ZNF713: variants seen among roughly 807,000 people sequenced by gnomAD.
ZNF713 encodes the protein zinc finger protein 713.
ZNF713 carries 21 observed loss-of-function variants against 28.7 expected under a neutral mutation model. That is an observed-to-expected ratio of 0.73 (90% CI 0.52 to 1.05). The LOEUF (loss-of-function observed/expected upper bound fraction) is 1.05, where lower values mean the gene tolerates loss of function less well. Among genes scored for constraint, ZNF713 ranks in the 50% least tolerant of loss-of-function variants. The pLI is 0.00. For missense variants in ZNF713, 458 were observed against 532.4 expected (o/e 0.86, Z 1.37); for synonymous variants, 167 against 178.0 (o/e 0.94, Z 0.49).
At position 55,936,633 on chromosome 7, in the gene ZNF713, C is replaced by T. The variant is rs534813067; in HGVS notation, c.308-2349C>T. On this transcript the variant is annotated intron_variant, in intron 6 of 6. Transcript: ENST00000429591. Reference sequence around the variant, plus strand: ...CTGACCCACTCAGAAAGTCCAAGACCAGGAAGAGATGACTTAAATGGCCTT... The same window carrying T: ...CTGACCCACTCAGAAAGTCCAAGACTAGGAAGAGATGACTTAAATGGCCTT... Among the ~76,000 whole-genome samples, 145 of 152,164 alleles carry T rather than the reference C, an allele frequency of 9.5e-4. 1 individual carries two copies. In the Middle Eastern group the frequency reaches 0.01, roughly 11 times the overall value.
intron 1 of ZNF713, among the ~76,000 whole-genome samples, chr7:55,899,686 T>TA (rs1023861914): frequency 2.2e-4 from 34 of 151,470 alleles, no homozygotes; most frequent in African/African-American, 8.2e-4. Flanking sequence ...AAATAAAAAA[T>TA]AAAAAAATCG....
At chr7:55,890,888 C>T (rs748434051) in intron 1 of ZNF713, among the ~76,000 whole-genome samples, 75 of 151,116 alleles carry the variant, frequency 5.0e-4, no homozygotes, top group African/African-American at 1.4e-3. Flanking sequence ...CGTGGTGGCA[C>T]GTGCCTGAGG....
intron 4 of ZNF713, among the ~76,000 whole-genome samples, chr7:55,917,004 G>A (rs975649030): frequency 5.3e-5 from 8 of 151,854 alleles, no homozygotes; most frequent in Non-Finnish European, 1.2e-4. Flanking sequence ...CACAAGGTCA[G>A]GAGATTGAGA....
intron 1 of ZNF713, among the ~76,000 whole-genome samples, chr7:55,888,802 C>T (rs1394842716): frequency 2.0e-5 from 3 of 151,860 alleles, no homozygotes; most frequent in Non-Finnish European, 2.9e-5. Flanking sequence ...AATCGCAGCA[C>T]TTTGGGAGGC....
intron 4 of ZNF713, among the ~76,000 whole-genome samples, chr7:55,913,998 C>T (rs1421350263): frequency 2.0e-5 from 3 of 151,692 alleles, no homozygotes; most frequent in Non-Finnish European, 2.9e-5. Context: ...GTAGTCCCAG[C>T]TACTCGGGAG....
At chr7:55,901,380 C>T (rs1320802133) in intron 1 of ZNF713, among the ~76,000 whole-genome samples, 2 of 152,186 alleles carry the variant, frequency 1.3e-5, no homozygotes, top group Admixed American at 6.6e-5. Context: ...TTACCTCCCA[C>T]TGGGTCCCTC....
intron 2 of ZNF713, among the ~76,000 whole-genome samples, chr7:55,910,087 G>T (rs548665145): frequency 1.3e-5 from 2 of 151,096 alleles, no homozygotes; most frequent in East Asian, 2.0e-4. Flanking sequence ...TCTTGAACTC[G>T]CAGGCTCAAG....
chr7:55,925,029 C>G (rs564470384), intron 6 of ZNF713, among the ~76,000 whole-genome samples: 2 of 151,086 alleles, frequency 1.3e-5, no homozygotes, highest in Non-Finnish European at 2.9e-5. Context: ...AAAAAAAAAT[C>G]CCAACCACCT....
chr7:55,892,277 CAAAAAAAAAAAA>C (rs71561974), intron 1 of ZNF713, among the ~76,000 whole-genome samples: 20,090 of 60,652 alleles, frequency 0.33, 1,872 homozygotes, highest in Middle Eastern at 0.43. Context: ...GACTCCATCT[CAAAAAAAAAAAA>C]AAAAAAAAAA....
At chr7:55,921,964 C>T (rs988041904) in intron 4 of ZNF713, among the ~76,000 whole-genome samples, 5 of 152,070 alleles carry the variant, frequency 3.3e-5, no homozygotes, top group East Asian at 1.9e-4. Flanking sequence ...CTCGCTGTGT[C>T]GCCCAGGCTG....
chr7:55,895,451 CTTTTTTTTTTTT>C (rs55972416), intron 1 of ZNF713, among the ~76,000 whole-genome samples: 18 of 82,394 alleles, frequency 2.2e-4, no homozygotes, highest in African/African-American at 4.6e-4. Context: ...CTGTTATACT[CTTTTTTTTTTTT>C]TTTTTTTTTT....
chr7:55,909,650 T>C (rs189191333), intron 2 of ZNF713, among the ~76,000 whole-genome samples: 2 of 152,212 alleles, frequency 1.3e-5, no homozygotes, highest in East Asian at 3.9e-4. Flanking sequence ...TTTAATGATA[T>C]TGATTCTTCA....
At chr7:55,921,267 A>G (rs1785986680) in intron 4 of ZNF713, among the ~76,000 whole-genome samples, 1 of 152,220 alleles carries the variant, frequency 6.6e-6, no homozygotes. Flanking sequence ...GAGATGTACA[A>G]GAAGACTAAT....
At position 55,939,878 on chromosome 7, in the gene ZNF713, G is replaced by A. The variant is rs867529935; in HGVS notation, c.1204G>A (p.Glu402Lys). The A allele has an allele frequency of 6.2e-7, 1 of 1,614,102 alleles. No individual in the cohort carries two copies. Among genetic ancestry groups the A allele is most frequent in the Non-Finnish European group, 8.5e-7 (1 of 1,179,968 alleles). Reference protein sequence around the residue: ...HTGEKPYKCNECGKAFSQSAH... With the variant: ...HTGEKPYKCNKCGKAFSQSAH... ...AGGAGAGAAACCCTATAAATGTAATGAATGCGGGAAAGCCTTTAGCCAGAG... is the reference window on the plus strand; with the variant it reads ...AGGAGAGAAACCCTATAAATGTAATAAATGCGGGAAAGCCTTTAGCCAGAG... Residue 402 changes from glutamate to lysine, a missense_variant, in exon 7 of 7, where the codon GAA (glutamate) becomes AAA (lysine). By Grantham distance (56) the Glu-to-Lys change is moderately conservative. Coordinates refer to ENST00000429591, the MANE Select transcript of ZNF713 (RefSeq NM_182633.3).
chr7:55,902,011 C>T (rs912989570), intron 1 of ZNF713, among the ~76,000 whole-genome samples: 10 of 152,222 alleles, frequency 6.6e-5, no homozygotes, highest in African/African-American at 2.2e-4. Context: ...GTCAACATGG[C>T]AAAACCTCGT....
intron 6 of ZNF713, among the ~76,000 whole-genome samples, chr7:55,934,115 TAATAA>T (rs955159397): frequency 6.6e-6 from 1 of 152,186 alleles, no homozygotes; most frequent in African/African-American, 2.4e-5. Flanking sequence ...TTATGCTGAA[TAATAA>T]AATGGGAGGA....
At chr7:55,912,789 C>A in intron 4 of ZNF713, 66 bp downstream of exon 4, 1 of 1,360,866 alleles carries the variant, frequency 7.3e-7, no homozygotes, top group Non-Finnish European at 1.0e-6. Context: ...TTTACTTTTT[C>A]ATTTCTCAGA....
chr7:55,906,687 T>A (rs1378440893), intron 2 of ZNF713, among the ~76,000 whole-genome samples: 1 of 152,162 alleles, frequency 6.6e-6, no homozygotes, highest in Non-Finnish European at 1.5e-5. Flanking sequence ...GTGTTTTATT[T>A]TTGGGAATTG....
At chr7:55,923,503 A>AGGGG in intron 5 of ZNF713, 104 bp from the exon 6 acceptor site, 1 of 1,139,532 alleles carries the variant, frequency 8.8e-7, no homozygotes, top group Non-Finnish European at 1.3e-6. Context: ...GCTGCCTCTG[A>AGGGG]AGTCTCCCCT....
Sources: allele counts gnomAD v4.1 joint callset (sites outside exome capture counted in the v4.1 genomes callset), GRCh38; gene constraint gnomAD v4.1.1; transcripts MANE v1.5; gene names NCBI Gene and HGNC (gene_info 2026-07-23, HGNC 2026-07-21).